MAGI3: variants seen among roughly 807,000 people sequenced by gnomAD.
MAGI3 encodes membrane-associated guanylate kinase, WW and PDZ domain-containing protein 3.
In MAGI3, 43 loss-of-function variants were observed where a neutral mutation model predicts 121.8. The ratio of observed to expected loss-of-function variants is 0.35; its 90% CI spans 0.28 to 0.46. The LOEUF (loss-of-function observed/expected upper bound fraction) is 0.46. Among genes scored for constraint, MAGI3 ranks in the 20% least tolerant of loss-of-function variants. MAGI3 has a pLI of 1.00. For missense variants in MAGI3, 1,547 were observed against 1,797.3 expected, an observed-to-expected ratio of 0.86 and a Z score of 2.52; for synonymous variants, 553 against 639.3, an observed-to-expected ratio of 0.86 and a Z score of 2.04.
chr1:113,678,392 C>T (rs2101033175), intron 19 of MAGI3, among the ~76,000 whole-genome samples: 1 of 152,234 alleles, frequency 6.6e-6, no homozygotes, highest in South Asian at 2.1e-4. Flanking sequence ...CTTATATATT[C>T]TGGATAGTAA....
intron 1 of MAGI3, among the ~76,000 whole-genome samples, chr1:113,443,890 C>T (rs1654036931): frequency 6.6e-6 from 1 of 152,120 alleles, no homozygotes; most frequent in South Asian, 2.1e-4. Context: ...GTATGCATTT[C>T]AGTGGTTTTT....
intron 7 of MAGI3, among the ~76,000 whole-genome samples, chr1:113,618,147 A>C (rs988172872): frequency 1.4e-5 from 2 of 145,662 alleles, no homozygotes; most frequent in African/African-American, 5.1e-5. Flanking sequence ...TGGACAACAT[A>C]GTAAGACCCC....
At chr1:113,653,572 G>T (rs1271176412) in intron 14 of MAGI3, among the ~76,000 whole-genome samples, 1 of 151,168 alleles carries the variant, frequency 6.6e-6, no homozygotes. Context: ...ACGCCATCTC[G>T]GGGAAAAAAA....
chr1:113,434,442 G>A (rs1358658231), intron 1 of MAGI3, among the ~76,000 whole-genome samples: 2 of 152,026 alleles, frequency 1.3e-5, no homozygotes, highest in African/African-American at 4.8e-5. Flanking sequence ...AAGCGTACTA[G>A]TTATACTGCT....
chr1:113,421,756 A>C (rs1386092208), intron 1 of MAGI3, among the ~76,000 whole-genome samples: 2 of 152,198 alleles, frequency 1.3e-5, no homozygotes, highest in Non-Finnish European at 2.9e-5. Context: ...AAGGAACCAG[A>C]TATAAGGGAC....
chr1:113,649,141 G>A (rs1471735431), intron 12 of MAGI3, 96 bp from the exon 13 acceptor site: 1 of 805,844 alleles, frequency 1.2e-6, no homozygotes. Flanking sequence ...ATAGTTTATT[G>A]AGTTACTCTA....
chr1:113,629,737 T>A (rs1651479826), intron 9 of MAGI3, among the ~76,000 whole-genome samples: 2 of 64,928 alleles, frequency 3.1e-5, no homozygotes, highest in Non-Finnish European at 7.3e-5. Flanking sequence ...TCCCTCTCTC[T>A]CTCTCTCTCT....
intron 1 of MAGI3, among the ~76,000 whole-genome samples, chr1:113,485,591 G>C (rs567049629): frequency 3.0e-4 from 46 of 152,282 alleles, no homozygotes; most frequent in African/African-American, 1.1e-3. Context: ...AGACTGTGAA[G>C]ACTTTCTCTC....
chr1:113,680,360 C>T (rs1385349304), intron 19 of MAGI3, among the ~76,000 whole-genome samples: 1 of 152,152 alleles, frequency 6.6e-6, no homozygotes, highest in Non-Finnish European at 1.5e-5. Context: ...TGCTCTCCTG[C>T]GAGAGTTGAT....
chr1:113,669,192 C>T lies in MAGI3; in HGVS notation c.2816-2542C>T, dbSNP rs377223898. On this transcript the variant is annotated intron_variant, in intron 16 of 20. Transcript: ENST00000307546. Reference sequence around the variant, plus strand: ...CGACCGAAGACAATCGAACTCTATACTGGGCAGTAAAGTTTAGAGACAGGT... The same window carrying T: ...CGACCGAAGACAATCGAACTCTATATTGGGCAGTAAAGTTTAGAGACAGGT... Among the ~76,000 whole-genome samples, 17 of 152,288 alleles carry T rather than the reference C, an allele frequency of 1.1e-4. No homozygotes were observed. The East Asian group carries it at 2.3e-3, about 21-fold the overall frequency.
intron 3 of MAGI3, among the ~76,000 whole-genome samples, chr1:113,582,350 G>A (rs1468410700): frequency 6.6e-6 from 1 of 152,016 alleles, no homozygotes; most frequent in Non-Finnish European, 1.5e-5. Context: ...TTGTTATAGT[G>A]TGAAACAGTG....
At chr1:113,583,387 T>G (rs1404942385) in intron 3 of MAGI3, among the ~76,000 whole-genome samples, 1 of 152,118 alleles carries the variant, frequency 6.6e-6, no homozygotes, top group Non-Finnish European at 1.5e-5. Flanking sequence ...AAAATTATTA[T>G]GAAGTCCTAA....
At chr1:113,578,558 C>T (rs907570289) in intron 2 of MAGI3, among the ~76,000 whole-genome samples, 4 of 152,020 alleles carry the variant, frequency 2.6e-5, no homozygotes, top group Non-Finnish European at 4.4e-5. Context: ...GTGGCTAGGA[C>T]TACTGGTGTG....
chr1:113,415,623 C>T (rs1367807899), intron 1 of MAGI3, among the ~76,000 whole-genome samples: 1 of 151,894 alleles, frequency 6.6e-6, no homozygotes, highest in Non-Finnish European at 1.5e-5. Flanking sequence ...ATGATGATAT[C>T]TCCTATTGCC....
In MAGI3 at chr1:113,391,133, C is replaced by G; in HGVS notation, c.100C>G (p.Arg34Gly). ...CCCGGGCGACTTCGGCGCGGAGATC[C>G]GCGGTGGCGCGGAGCGTGGCGAGTT... ...GPPGDFGAEIRGGAERGEFPY... is the reference protein window; with the variant it reads ...GPPGDFGAEIGGGAERGEFPY... The change falls in exon 1 of 21, where the codon CGC (arginine) becomes GGC (glycine). Residue 34 changes from arginine to glycine, a missense_variant. Arg to Gly is a moderately radical substitution (Grantham distance 125). Coordinates refer to ENST00000307546, the MANE Select transcript of MAGI3 (RefSeq NM_001142782.2). This position sits in a 1 kb window ranked among gnomAD's most constrained non-coding sequence, Gnocchi z 4.4. The G allele has an allele frequency of 1.3e-6, 2 of 1,567,704 alleles. No individual in the cohort carries two copies. The highest frequency in any genetic ancestry group is 1.7e-6 in the Non-Finnish European group (2 of 1,156,710).
At chr1:113,496,993 C>T (rs1392939900) in intron 1 of MAGI3, among the ~76,000 whole-genome samples, 4 of 152,132 alleles carry the variant, frequency 2.6e-5, no homozygotes, top group African/African-American at 9.7e-5. Context: ...GGTGGTGGCT[C>T]ACACCTGTAG....
chr1:113,628,611 C>T (rs1041682553), intron 9 of MAGI3, among the ~76,000 whole-genome samples: 8 of 152,090 alleles, frequency 5.3e-5, no homozygotes, highest in South Asian at 4.1e-4. Flanking sequence ...CTAGTGTTCA[C>T]GAAATCCCTT....
rs750948585 is a variant in MAGI3, at chr1:113,683,690, T to C, written c.4122T>C (p.Thr1374=). 2 of 1,602,770 alleles carry C rather than the reference T, an allele frequency of 1.2e-6. No individual in the cohort carries two copies. Among genetic ancestry groups the C allele is most frequent in the Non-Finnish European group, 1.7e-6 (2 of 1,174,666 alleles). Reference sequence around the variant, plus strand: ...TTCCATCCAAAATGACTAATAAGACTACAAGTAAAGAAGTATCTGAAAATG... The same window carrying C: ...TTCCATCCAAAATGACTAATAAGACCACAAGTAAAGAAGTATCTGAAAATG... The part of the protein sequence containing the change: ...KSLPSKMTNK[T]TSKEVSENEK... The change falls in exon 21 of 21, where the codon ACT becomes ACC. Residue 1374 remains threonine (T), a synonymous_variant. Coordinates refer to ENST00000307546, the MANE Select transcript of MAGI3 (RefSeq NM_001142782.2).
intron 6 of MAGI3, among the ~76,000 whole-genome samples, chr1:113,598,200 A>G (rs748769800): frequency 4.6e-5 from 7 of 151,980 alleles, no homozygotes; most frequent in Non-Finnish European, 1.0e-4. Flanking sequence ...CAACAGAGCG[A>G]GACTCTGCCT....
Sources: gnomAD v4.1 joint callset for allele counts (sites outside exome capture counted in the v4.1 genomes callset) on GRCh38, gnomAD v4.1.1 for gene constraint, Gnocchi (gnomAD v3.1) non-coding constraint, MANE v1.5 for transcripts, NCBI Gene and HGNC (gene_info 2026-07-23, HGNC 2026-07-21) for gene names.